Variants in LRRC63 observed in about 807,000 individuals in gnomAD.
LRRC63 encodes leucine rich repeat containing 63, also known as leucine-rich repeat-containing protein 63.
Under a neutral mutation model 49.5 loss-of-function variants are expected in LRRC63, and 40 were observed. That is an observed-to-expected ratio of 0.81 (90% CI 0.63 to 1.05). LRRC63 has a LOEUF of 1.05. Ranked by LOEUF, LRRC63 falls within the 50% of genes least tolerant of loss-of-function variation. The probability of loss-of-function intolerance (pLI) is 0.00; values close to 1 mark genes in which losing one functional copy is unlikely to be tolerated. For synonymous variants in LRRC63, 191 were observed against 221.1 expected, an observed-to-expected ratio of 0.86 and a Z score of 1.21; for missense variants, 636 against 663.1, an observed-to-expected ratio of 0.96 and a Z score of 0.45.
At chr13:46,224,302 A>G (rs2138386547) in intron 2 of LRRC63, among the ~76,000 whole-genome samples, 1 of 152,294 alleles carries the variant, frequency 6.6e-6, no homozygotes, top group South Asian at 2.1e-4. Context: ...AAGACGTGTC[A>G]TCAAGTTCTG....
intron 9 of LRRC63, chr13:46,270,128 C>A: frequency 1.5e-6 from 1 of 685,266 alleles, no homozygotes; most frequent in South Asian, 1.6e-5. Context: ...GTTCGTGGAT[C>A]AATACTTCAC....
exon 9 of LRRC63, chr13:46,266,845 T>A: frequency 6.5e-7 from 1 of 1,549,970 alleles, no homozygotes; most frequent in Non-Finnish European, 8.7e-7. Context: ...TCATCCTTGT[T>A]TTTGGAGAGA....
At chr13:46,245,328 A>G (rs914218901) in intron 5 of LRRC63, among the ~76,000 whole-genome samples, 1 of 152,184 alleles carries the variant, frequency 6.6e-6, no homozygotes, top group African/African-American at 2.4e-5. Context: ...GATATAGAAG[A>G]TCTGAAATAA....
intron 5 of LRRC63, among the ~76,000 whole-genome samples, chr13:46,244,673 C>T (rs1045413044): frequency 6.6e-6 from 1 of 152,010 alleles, no homozygotes; most frequent in Admixed American, 6.6e-5. Context: ...ACTCAGGAGG[C>T]TGAGGAAGAT....
At chr13:46,246,857 G>A (rs1485222119) in intron 6 of LRRC63, among the ~76,000 whole-genome samples, 1 of 152,024 alleles carries the variant, frequency 6.6e-6, no homozygotes, top group Non-Finnish European at 1.5e-5. Context: ...TCTCAAATGT[G>A]TTCTCATAAT....
In LRRC63 at chr13:46,234,770, T is replaced by C. The variant is rs566761957; in HGVS notation, c.990+421T>C. On this transcript the variant is annotated intron_variant, in intron 5 of 9. Transcript: ENST00000595396. ...ACACATTACTCCTAAAACACAATTA[T>C]GTAACGTAAGTATTATAATCTTTAC... is the stretch of plus-strand genomic sequence containing the variant. Among the ~76,000 whole-genome samples the C allele has an allele frequency of 2.0e-5, 3 of 152,276 alleles. No individual in the cohort carries two copies. The South Asian group carries it at 6.2e-4, about 32-fold the overall frequency.
At chr13:46,262,521 A>G (rs1421715392) in intron 8 of LRRC63, among the ~76,000 whole-genome samples, 3 of 152,186 alleles carry the variant, frequency 2.0e-5, no homozygotes, top group African/African-American at 7.2e-5. Context: ...ATCATTTTGT[A>G]TAATTTCTAG....
intron 2 of LRRC63, among the ~76,000 whole-genome samples, chr13:46,222,914 A>T (rs536387360): frequency 6.6e-6 from 1 of 152,234 alleles, no homozygotes; most frequent in South Asian, 2.1e-4. Flanking sequence ...CTTTGTAGGG[A>T]CATGGATGAA....
intron 5 of LRRC63, among the ~76,000 whole-genome samples, chr13:46,240,110 A>G (rs952417177): frequency 6.7e-6 from 1 of 148,476 alleles, no homozygotes; most frequent in African/African-American, 2.5e-5. Flanking sequence ...GATACCCTCT[A>G]TCTCTCTCTC....
chr13:46,268,393 A>G (rs2047709994), intron 9 of LRRC63, among the ~76,000 whole-genome samples: 2 of 152,172 alleles, frequency 1.3e-5, no homozygotes, highest in Admixed American at 6.5e-5. Flanking sequence ...TCATTATTCA[A>G]TGAGATAATG....
At chr13:46,242,413 A>G (rs2138483643) in intron 5 of LRRC63, among the ~76,000 whole-genome samples, 1 of 152,264 alleles carries the variant, frequency 6.6e-6, no homozygotes, top group East Asian at 1.9e-4. Flanking sequence ...AGAAACCCCC[A>G]TGGCATAAGT....
At chr13:46,244,940 C>G (rs745747955) in intron 5 of LRRC63, among the ~76,000 whole-genome samples, 2 of 152,056 alleles carry the variant, frequency 1.3e-5, no homozygotes, top group Non-Finnish European at 2.9e-5. Context: ...AATGAAGAAC[C>G]ACTCAATTAT....
exon 1 of LRRC63, chr13:46,212,084 T>G (rs2046108547): frequency 6.6e-6 from 1 of 152,306 alleles, no homozygotes; most frequent in Non-Finnish European, 1.5e-5. Flanking sequence ...GAAAAGGAGA[T>G]AGGAGACGAA....
intron 8 of LRRC63, among the ~76,000 whole-genome samples, chr13:46,265,540 G>A (rs1182489122): frequency 6.6e-6 from 1 of 152,178 alleles, no homozygotes; most frequent in Non-Finnish European, 1.5e-5. Context: ...ATGACAGAAG[G>A]GGTGAGGGCT....
intron 9 of LRRC63, among the ~76,000 whole-genome samples, chr13:46,275,670 C>G (rs1167013085): frequency 7.5e-6 from 1 of 133,968 alleles, no homozygotes; most frequent in Non-Finnish European, 1.6e-5. Flanking sequence ...TTTTTTTTTG[C>G]TGTTGAATTA....
rs193277205 is a variant in LRRC63, at chr13:46,247,446, G to T, written c.1089+821G>T. On this transcript the variant is annotated intron_variant, in intron 6 of 9. Coordinates refer to ENST00000595396, the Ensembl canonical transcript of LRRC63. Reference sequence around the variant, plus strand: ...TTCTAAGTAGATACAGATAATATTTGTGTATCTGCCAAAGAAAACTCCATC... The same window carrying T: ...TTCTAAGTAGATACAGATAATATTTTTGTATCTGCCAAAGAAAACTCCATC... 6.7e-3 allele frequency among the ~76,000 whole-genome samples: 1,023 copies of T among 152,152 alleles called. 7 individuals carry two copies. The highest frequency in any genetic ancestry group is 0.011 in the Non-Finnish European group (780 of 67,954).
chr13:46,232,742 A>G (rs915873283), intron 4 of LRRC63, among the ~76,000 whole-genome samples: 2 of 149,650 alleles, frequency 1.3e-5, no homozygotes, highest in African/African-American at 4.9e-5. Flanking sequence ...AACACATTCT[A>G]AAAAAAAAAT....
intron 2 of LRRC63, 119 bp downstream of exon 2, chr13:46,213,238 G>A: frequency 1.6e-6 from 1 of 630,288 alleles, no homozygotes; most frequent in Non-Finnish European, 2.6e-6. Flanking sequence ...AATGTTTGTT[G>A]TCAGGTGATA....
At chr13:46,267,797 A>G (rs1222996324) in intron 9 of LRRC63, among the ~76,000 whole-genome samples, 1 of 152,204 alleles carries the variant, frequency 6.6e-6, no homozygotes, top group Non-Finnish European at 1.5e-5. Flanking sequence ...ATTTTTTTGA[A>G]GAATTATAAC....
Sources: gnomAD v4.1 joint callset for allele counts (sites outside exome capture counted in the v4.1 genomes callset) on GRCh38, gnomAD v4.1.1 for gene constraint, MANE v1.5 for transcripts, NCBI Gene and HGNC (gene_info 2026-07-23, HGNC 2026-07-21) for gene names.